The following QRFPR variants were observed in gnomAD, a reference collection of about 807,000 sequenced individuals.
QRFPR encodes pyroglutamylated RF-amide peptide receptor.
In QRFPR, 37 loss-of-function variants were observed where a neutral mutation model predicts 31.3. The ratio of observed to expected loss-of-function variants is 1.18; its 90% CI spans 0.91 to 1.56. The LOEUF is 1.56. Among genes scored for constraint, QRFPR ranks in the 40% most tolerant of loss-of-function variants. The probability of loss-of-function intolerance (pLI) is 0.00; values close to 1 mark genes in which losing one functional copy is unlikely to be tolerated. For missense variants in QRFPR, 542 were observed against 532.5 expected (o/e 1.02, Z -0.18); for synonymous variants, 197 against 192.0 (o/e 1.03, Z -0.22).
intron 1 of QRFPR, among the ~76,000 whole-genome samples, chr4:121,342,983 A>G (rs1725571693): frequency 6.6e-6 from 1 of 152,124 alleles, no homozygotes; most frequent in South Asian, 2.1e-4. Flanking sequence ...TGTCTTTCCT[A>G]GTTGTCGCAG....
In QRFPR at chr4:121,332,886, C is replaced by T. The variant is rs1256488811; in HGVS notation, c.732G>A (p.Lys244=). Residue 244 remains lysine, a synonymous_variant, in exon 4 of 6, where the codon AAG becomes AAA. Coordinates refer to ENST00000394427, the MANE Select transcript of QRFPR (RefSeq NM_198179.3). ...YSKIGYELWI[K]KRVGDGSVLR... is the part of the protein sequence containing the mutation. Reference sequence around the variant, plus strand: ...GCACTGAACCATCCCCAACTCTTTTCTTTATCCAAAGTTCATAACCAATTT... The same window carrying T: ...GCACTGAACCATCCCCAACTCTTTTTTTTATCCAAAGTTCATAACCAATTT... The T allele has an allele frequency of 1.9e-6, 3 of 1,614,168 alleles. No homozygotes were observed. The highest frequency in any genetic ancestry group is 1.6e-4 in the Middle Eastern group (1 of 6,062).
At chr4:121,336,990 A>G (rs1241724650) in intron 2 of QRFPR, 122 bp from the exon 3 acceptor site, 11 of 851,018 alleles carry the variant, frequency 1.3e-5, no homozygotes, top group Admixed American at 1.8e-5. Context: ...GGGCAGTGCC[A>G]TGGTCTCCCC....
chr4:121,338,902 A>G (rs917090315), intron 2 of QRFPR, among the ~76,000 whole-genome samples: 1 of 152,162 alleles, frequency 6.6e-6, no homozygotes, highest in African/African-American at 2.4e-5. Context: ...CCCCTCCTCC[A>G]TGTAATCCTT....
chr4:121,338,137 G>C (rs1057426742), intron 2 of QRFPR, among the ~76,000 whole-genome samples: 3 of 152,180 alleles, frequency 2.0e-5, no homozygotes, highest in Admixed American at 6.5e-5. Flanking sequence ...AAGTCTGTCT[G>C]TCTGGCTGTC....
chr4:121,341,102 C>T (rs1486762526), intron 1 of QRFPR, among the ~76,000 whole-genome samples: 1 of 152,228 alleles, frequency 6.6e-6, no homozygotes, highest in Non-Finnish European at 1.5e-5. Context: ...TACACCATTA[C>T]ACACCAAACT....
At chr4:121,351,675 A>G (rs1029921657) in intron 1 of QRFPR, among the ~76,000 whole-genome samples, 1 of 152,060 alleles carries the variant, frequency 6.6e-6, no homozygotes, top group African/African-American at 2.4e-5. Flanking sequence ...AAATGGAAAA[A>G]CTTTAGGCAT....
chr4:121,330,881 T>C (rs1380232238), intron 4 of QRFPR, among the ~76,000 whole-genome samples: 1 of 152,166 alleles, frequency 6.6e-6, no homozygotes, highest in Non-Finnish European at 1.5e-5. Flanking sequence ...GATGTGAATT[T>C]AGGAAGTCTA....
intron 1 of QRFPR, among the ~76,000 whole-genome samples, chr4:121,372,295 G>C (rs544678919): frequency 1.3e-5 from 2 of 152,138 alleles, no homozygotes; most frequent in Non-Finnish European, 2.9e-5. Context: ...AGTTCTATGG[G>C]TAAGACAGCA....
At chr4:121,332,537 A>G (rs1028660789) in intron 4 of QRFPR, among the ~76,000 whole-genome samples, 26 of 152,168 alleles carry the variant, frequency 1.7e-4, no homozygotes, top group African/African-American at 6.3e-4. Flanking sequence ...CAGGGTTCTG[A>G]CACCAGCCCA....
intron 1 of QRFPR, among the ~76,000 whole-genome samples, chr4:121,373,259 G>A (rs1467196000): frequency 6.6e-6 from 1 of 152,140 alleles, no homozygotes; most frequent in East Asian, 1.9e-4. Flanking sequence ...AATGTAAACT[G>A]TTCTTGTCCT....
At chr4:121,351,997 A>AAACACT (rs1725769772) in intron 1 of QRFPR, among the ~76,000 whole-genome samples, 1 of 152,156 alleles carries the variant, frequency 6.6e-6, no homozygotes, top group Non-Finnish European at 1.5e-5. Flanking sequence ...AGACATAGAC[A>AAACACT]AACACTAAGA....
At chr4:121,374,932 T>A (rs558180077) in intron 1 of QRFPR, among the ~76,000 whole-genome samples, 1 of 152,252 alleles carries the variant, frequency 6.6e-6, no homozygotes, top group Non-Finnish European at 1.5e-5. Flanking sequence ...ACGGCAGGAT[T>A]TGGGGGAGTG....
chr4:121,337,267 C>T (rs538663492), intron 2 of QRFPR, among the ~76,000 whole-genome samples: 18 of 152,306 alleles, frequency 1.2e-4, no homozygotes, highest in African/African-American at 4.3e-4. Flanking sequence ...GCGCCACTCC[C>T]TGGCCACCCT....
intron 1 of QRFPR, among the ~76,000 whole-genome samples, chr4:121,374,379 A>C (rs1726312357): frequency 6.6e-6 from 1 of 152,206 alleles, no homozygotes; most frequent in Non-Finnish European, 1.5e-5. Flanking sequence ...CTTTTTTAAA[A>C]AGTGTTTACA....
chr4:121,343,906 C>T (rs2110471648), intron 1 of QRFPR, among the ~76,000 whole-genome samples: 1 of 152,250 alleles, frequency 6.6e-6, no homozygotes, highest in Non-Finnish European at 1.5e-5. Context: ...TCAGTATACA[C>T]TCTGATTCTG....
At chr4:121,374,848 T>C (rs1203074421) in intron 1 of QRFPR, among the ~76,000 whole-genome samples, 3 of 152,236 alleles carry the variant, frequency 2.0e-5, no homozygotes, top group African/African-American at 4.8e-5. Context: ...TTAGAATATA[T>C]TTCAAACTCC....
chr4:121,334,571 G>A (rs182421880), intron 3 of QRFPR: 8 of 307,302 alleles, frequency 2.6e-5, no homozygotes, highest in South Asian at 5.9e-5. Flanking sequence ...CACATGGCAG[G>A]GCTTTGTGCT....
rs1726274639 is a variant in QRFPR at position 121,372,710 on chromosome 4, G to A, written c.340+7598C>T. Reference sequence around the variant, plus strand: ...TCTTGTGTCTGGCTTATTTAACTGAGCATAATGCTTTCAAAGTTCATCCAT... The same window carrying A: ...TCTTGTGTCTGGCTTATTTAACTGAACATAATGCTTTCAAAGTTCATCCAT... On this transcript the variant is annotated intron_variant, in intron 1 of 5. Coordinates refer to ENST00000394427, the MANE Select transcript of QRFPR (RefSeq NM_198179.3). Among the ~76,000 whole-genome samples the A allele has an allele frequency of 3.3e-5, 5 of 152,280 alleles. No individual in the cohort carries two copies. The South Asian group carries it at 1.0e-3, about 32-fold the overall frequency.
intron 1 of QRFPR, among the ~76,000 whole-genome samples, chr4:121,347,773 G>C (rs1475263855): frequency 1.3e-5 from 2 of 151,938 alleles, no homozygotes; most frequent in African/African-American, 4.8e-5. Flanking sequence ...TGTTCCACAG[G>C]ATATTAAGTA....
Sources: allele counts gnomAD v4.1 joint callset (sites outside exome capture counted in the v4.1 genomes callset), GRCh38; gene constraint gnomAD v4.1.1; transcripts MANE v1.5; gene names NCBI Gene and HGNC (gene_info 2026-07-23, HGNC 2026-07-21).